Variants in SPMIP11 observed in about 807,000 individuals in gnomAD.
The protein encoded by SPMIP11 is sperm microtubule inner protein 11, also known as long intergenic non-protein coding RNA 935.
At chr12:48,753,681 C>CTTTTTTTTTTCTTTTTTTTTTT in the SPMIP11 span, among the ~76,000 whole-genome samples, 1 of 120,892 alleles carries the variant, frequency 8.3e-6, no homozygotes, top group African/African-American at 3.4e-5. Context: ...CTTTTCTTTA[C>CTTTTTTTTTTCTTTTTTTTTTT]TTTTTTTTTT....
At chr12:48,753,908 G>C in the SPMIP11 span, among the ~76,000 whole-genome samples, 1 of 151,734 alleles carries the variant, frequency 6.6e-6, no homozygotes, top group Non-Finnish European at 1.5e-5. Context: ...TTGCCATGTT[G>C]GCCAGGCTGG....
At chr12:48,727,847 C>G in the SPMIP11 span, among the ~76,000 whole-genome samples, 12 of 152,024 alleles carry the variant, frequency 7.9e-5, no homozygotes, top group Admixed American at 7.2e-4. Context: ...TCCAGGAGTT[C>G]AAGACCAGCC....
the SPMIP11 span, among the ~76,000 whole-genome samples, chr12:48,763,735 G>A: frequency 6.7e-6 from 1 of 149,270 alleles, no homozygotes; most frequent in African/African-American, 2.5e-5. Context: ...CTGGAGTGCA[G>A]TGGCACGATC....
chr12:48,736,890 T>C, the SPMIP11 span, among the ~76,000 whole-genome samples: 1 of 152,108 alleles, frequency 6.6e-6, no homozygotes, highest in East Asian at 1.9e-4. Flanking sequence ...AGCTATGTTT[T>C]TATTGTCCTC....
chr12:48,756,179 G>A, the SPMIP11 span, among the ~76,000 whole-genome samples: 3 of 152,008 alleles, frequency 2.0e-5, no homozygotes, highest in Middle Eastern at 3.4e-3. Context: ...CACCGTGCCC[G>A]GCCTCCTCAG....
At chr12:48,734,510 G>A in the SPMIP11 span, among the ~76,000 whole-genome samples, 11 of 152,134 alleles carry the variant, frequency 7.2e-5, no homozygotes, top group African/African-American at 2.7e-4. Flanking sequence ...TCCAGTATAG[G>A]TATATCATAA....
the SPMIP11 span, among the ~76,000 whole-genome samples, chr12:48,754,696 C>T: frequency 4.0e-5 from 6 of 151,712 alleles, no homozygotes; most frequent in African/African-American, 9.7e-5. Flanking sequence ...GTGATCCACC[C>T]GACTAGGCCT....
chr12:48,764,240 C>T, the SPMIP11 span, among the ~76,000 whole-genome samples: 6 of 152,046 alleles, frequency 3.9e-5, no homozygotes, highest in Non-Finnish European at 5.9e-5. Context: ...CTGCCTGCCT[C>T]GGCCTCCCAA....
At chr12:48,746,806 A>G in the SPMIP11 span, among the ~76,000 whole-genome samples, 1 of 151,460 alleles carries the variant, frequency 6.6e-6, no homozygotes, top group African/African-American at 2.4e-5. Context: ...CTGTAATCCC[A>G]GCTACTCGGG....
At chr12:48,771,042 T>C in the SPMIP11 span, 208,175 of 1,476,018 alleles carry the variant, frequency 0.14, 15,423 homozygotes, top group African/African-American at 0.19. The surrounding 1 kb of genome is among the most constrained non-coding windows in gnomAD (Gnocchi z 4.3). Context: ...CACTCATTTC[T>C]TGCCACGCCT....
the SPMIP11 span, among the ~76,000 whole-genome samples, chr12:48,734,796 G>C: frequency 3.7e-3 from 563 of 152,076 alleles, 4 homozygotes; most frequent in African/African-American, 0.011. Context: ...GAGGTCAGCA[G>C]ATCGAGACCA....
chr12:48,747,152 T>C, the SPMIP11 span, among the ~76,000 whole-genome samples: 1 of 152,126 alleles, frequency 6.6e-6, no homozygotes, highest in African/African-American at 2.4e-5. Context: ...CTTTTTTAAC[T>C]TTTATTTTTT....
the SPMIP11 span, among the ~76,000 whole-genome samples, chr12:48,746,619 C>T: frequency 2.0e-5 from 3 of 151,982 alleles, no homozygotes; most frequent in African/African-American, 7.2e-5. Context: ...CCTGCCTTGG[C>T]CTCCCAAAGT....
At chr12:48,743,933 CAAAAA>C in the SPMIP11 span, among the ~76,000 whole-genome samples, 6 of 34,888 alleles carry the variant, frequency 1.7e-4, no homozygotes, top group African/African-American at 6.7e-4. Flanking sequence ...GACTTCGTCT[CAAAAA>C]AAAAAAAAAA....
chr12:48,770,063 A>ATTT, the SPMIP11 span, among the ~76,000 whole-genome samples: 2 of 112,876 alleles, frequency 1.8e-5, no homozygotes, highest in Non-Finnish European at 3.6e-5. Context: ...GCCCGGCCTA[A>ATTT]TTTTTTTTTT....
chr12:48,737,644 ACCTCAGGTGATCCACCCGCCTCGGCCTC>A, the SPMIP11 span, among the ~76,000 whole-genome samples: 1 of 150,870 alleles, frequency 6.6e-6, no homozygotes, highest in East Asian at 2.0e-4. Flanking sequence ...CGAACTCCCT[ACCTCAGGTGATCCACCCGCCTCGGCCTC>A]CCAAAGTGCT....
At chr12:48,755,700 G>A in the SPMIP11 span, among the ~76,000 whole-genome samples, 1 of 152,068 alleles carries the variant, frequency 6.6e-6, no homozygotes, top group Non-Finnish European at 1.5e-5. Context: ...CCGGGACCAT[G>A]CTACTTGGAC....
At chr12:48,747,403 A>G in the SPMIP11 span, among the ~76,000 whole-genome samples, 1 of 152,202 alleles carries the variant, frequency 6.6e-6, no homozygotes, top group Non-Finnish European at 1.5e-5. Flanking sequence ...ATAAGAGCAG[A>G]TTCAAAATTG....
the SPMIP11 span, among the ~76,000 whole-genome samples, chr12:48,740,487 GTCTC>G: frequency 6.7e-6 from 1 of 148,688 alleles, no homozygotes; most frequent in Non-Finnish European, 1.5e-5. Context: ...TTTCATAAAT[GTCTC>G]TCTTTTTTTT....
Sources: gnomAD v4.1 joint callset for allele counts (sites outside exome capture counted in the v4.1 genomes callset) on GRCh38, gnomAD v4.1.1 for gene constraint, Gnocchi (gnomAD v3.1) non-coding constraint, MANE v1.5 for transcripts, NCBI Gene and HGNC (gene_info 2026-07-23, HGNC 2026-07-21) for gene names.